Variants in SPATA6L observed in about 807,000 individuals in gnomAD.
SPATA6L encodes spermatogenesis associated 6 like.
SPATA6L carries 68 observed loss-of-function variants against 49.2 expected under a neutral mutation model. The ratio of observed to expected loss-of-function variants is 1.38; its 90% CI spans 1.14 to 1.69. SPATA6L has a LOEUF of 1.69. Among genes scored for constraint, SPATA6L ranks in the 40% most tolerant of loss-of-function variants. The pLI is 0.00. For synonymous variants in SPATA6L, 198 were observed against 165.7 expected (o/e 1.19, Z -1.50); for missense variants, 668 against 464.3 (o/e 1.44, Z -4.03).
intron 9 of SPATA6L, among the ~76,000 whole-genome samples, chr9:4,615,367 A>G (rs935505364): frequency 6.6e-6 from 1 of 152,154 alleles, no homozygotes; most frequent in Non-Finnish European, 1.5e-5. Flanking sequence ...TAGCAGATTG[A>G]GTATCATTCC....
Position 4,618,112 on chromosome 9 carries a change from T to C in SPATA6L, c.808-2A>G. ...CCGTTCATCTGGCTCTTTGATAACC[T>C]GAGTGACAATATGCATTATTTAGTT... is the stretch of plus-strand genomic sequence containing the variant. On this transcript the variant is annotated splice_acceptor_variant, in intron 8 of 11. Transcript: ENST00000682582. LOFTEE classifies it high-confidence loss of function. The C allele has an allele frequency of 1.9e-6, 3 of 1,598,606 alleles. No homozygotes were observed. The highest frequency in any genetic ancestry group is 2.6e-6 in the Non-Finnish European group (3 of 1,170,920).
intron 3 of SPATA6L, 81 bp from the exon 4 acceptor site, chr9:4,635,480 G>C: frequency 7.3e-7 from 1 of 1,374,682 alleles, no homozygotes; most frequent in Non-Finnish European, 9.7e-7. Context: ...GCAGATGATG[G>C]CAGAGATGGC....
At chr9:4,611,660 A>T (rs1420546621) in intron 9 of SPATA6L, among the ~76,000 whole-genome samples, 1 of 57,906 alleles carries the variant, frequency 1.7e-5, no homozygotes, top group Non-Finnish European at 3.2e-5. Context: ...GGGTGGGGGG[A>T]GGGGGGAGGG....
intron 3 of SPATA6L, among the ~76,000 whole-genome samples, chr9:4,639,630 C>G (rs780359079): frequency 2.6e-5 from 4 of 152,152 alleles, no homozygotes; most frequent in Non-Finnish European, 5.9e-5. Context: ...TATTCACAGG[C>G]TGAACAAGTC....
At chr9:4,602,393 A>G (rs1244618048) in intron 11 of SPATA6L, among the ~76,000 whole-genome samples, 1 of 152,164 alleles carries the variant, frequency 6.6e-6, no homozygotes, top group Non-Finnish European at 1.5e-5. Context: ...CTAAGGTAGA[A>G]GCCTCCAGAA....
At chr9:4,626,599 T>G in intron 5 of SPATA6L, 2 of 1,264,836 alleles carry the variant, frequency 1.6e-6, no homozygotes, top group Non-Finnish European at 2.1e-6. Flanking sequence ...GTCATTTCAG[T>G]GTTCCCCTTT....
chr9:4,662,923 T>C lies in SPATA6L; in HGVS notation c.40-887A>G. ...TTGGACCTGCTGCTGGTGGCCTTGATCAAAGGGCTGGTCCGCAGGCGCCGC... is the reference window on the plus strand; with the variant it reads ...TTGGACCTGCTGCTGGTGGCCTTGACCAAAGGGCTGGTCCGCAGGCGCCGC... On this transcript the variant is annotated intron_variant, in intron 1 of 11. Transcript: ENST00000682582. This position sits in a 1 kb window ranked among gnomAD's most constrained non-coding sequence, Gnocchi z 4.9. The C allele has an allele frequency of 6.2e-7, 1 of 1,610,214 alleles. No individual in the cohort carries two copies. The highest frequency in any genetic ancestry group is 1.1e-5 in the South Asian group (1 of 91,052).
At chr9:4,611,113 A>T (rs1421718619) in intron 9 of SPATA6L, among the ~76,000 whole-genome samples, 213 of 148,918 alleles carry the variant, frequency 1.4e-3, no homozygotes, top group African/African-American at 5.3e-3. Context: ...ATCTCACACC[A>T]GTTAGAATGG....
At chr9:4,645,284 T>C (rs959067906) in intron 3 of SPATA6L, among the ~76,000 whole-genome samples, 1 of 152,234 alleles carries the variant, frequency 6.6e-6, no homozygotes, top group Non-Finnish European at 1.5e-5. Flanking sequence ...AACAGCATTA[T>C]TTATAACATC....
At chr9:4,663,096 C>T (rs754135761) in intron 1 of SPATA6L, 4 of 1,613,996 alleles carry the variant, frequency 2.5e-6, no homozygotes, top group Non-Finnish European at 3.4e-6. Flanking sequence ...GCTGGTGGTT[C>T]TGTGGGCCTT....
rs1840082807 is a variant in SPATA6L at position 4,662,544 on chromosome 9, C to T, written c.40-508G>A. 1.9e-6 allele frequency: 3 copies of T among 1,570,534 alleles called. No individual in the cohort carries two copies. The highest frequency in any genetic ancestry group is 1.7e-6 in the Non-Finnish European group (2 of 1,167,730). On this transcript the variant is annotated intron_variant, in intron 1 of 11. Transcript: ENST00000682582. This position sits in a 1 kb window ranked among gnomAD's most constrained non-coding sequence, Gnocchi z 4.9. ...CACGGCCGTGGACCCCACCTGCGCC[C>T]GGCTCCGTGCATCGGAGAGCCCAGT...
rs969502386 is a variant in SPATA6L, at chr9:4,600,303, G to A, written c.*508C>T. 6.6e-6 allele frequency among the ~76,000 whole-genome samples: 1 copy of A among 152,090 alleles called. No individual in the cohort carries two copies. The highest frequency in any genetic ancestry group is 2.4e-5 in the African/African-American group (1 of 41,394). On this transcript the variant is annotated 3_prime_UTR_variant, in exon 12 of 12. Coordinates refer to ENST00000682582, the MANE Select transcript of SPATA6L (RefSeq NM_001353486.2). ...TGCTCTCTTTTCCAAGGTTTTTAGT[G>A]GACTTCACGTAAATCAAGCCTAACA...
intron 3 of SPATA6L, among the ~76,000 whole-genome samples, chr9:4,647,794 G>A (rs1835747437): frequency 6.7e-6 from 1 of 150,290 alleles, no homozygotes; most frequent in Admixed American, 6.6e-5. Flanking sequence ...AATCAATAAA[G>A]ATAATTCTCA....
intron 3 of SPATA6L, among the ~76,000 whole-genome samples, chr9:4,645,089 T>A (rs1835061488): frequency 1.3e-5 from 2 of 152,260 alleles, no homozygotes; most frequent in Non-Finnish European, 2.9e-5. Flanking sequence ...AATTTGAATT[T>A]CATATAATTT....
rs916005603 is a variant in SPATA6L, at chr9:4,611,898, C to T, written c.995+6025G>A. ...AGAGATTATCACCCAGGCTAACGTA[C>T]AACTGCATGATCATAGCTCACTGCA... On this transcript the variant is annotated intron_variant, in intron 9 of 11. Coordinates refer to ENST00000682582, the MANE Select transcript of SPATA6L (RefSeq NM_001353486.2). Among the ~76,000 whole-genome samples the T allele has an allele frequency of 2.6e-5, 4 of 152,242 alleles. No homozygotes were observed. The South Asian group carries it at 8.3e-4, about 32-fold the overall frequency.
At chr9:4,593,888 G>A (rs1822063686), downstream of SPATA6L, among the ~76,000 whole-genome samples, 1 of 152,072 alleles carries the variant, frequency 6.6e-6, no homozygotes, top group Non-Finnish European at 1.5e-5. Flanking sequence ...CACACACAGG[G>A]TCCCCTCAAA....
intron 3 of SPATA6L, among the ~76,000 whole-genome samples, chr9:4,640,667 T>G (rs1028219840): frequency 1.5e-4 from 23 of 152,292 alleles, no homozygotes; most frequent in African/African-American, 4.8e-4. Flanking sequence ...CTAGGAAGAC[T>G]GGCACAGTGT....
Position 4,600,115 on chromosome 9 carries a change from G to A in SPATA6L, c.*696C>T, listed in dbSNP as rs1009165015. On this transcript the variant is annotated 3_prime_UTR_variant, in exon 12 of 12. Transcript: ENST00000682582. ...GTAGTTCTTTTGGAGAAATATTTGA[G>A]GAAGGTTTTGTTCCTCATCTAAATT... Among the ~76,000 whole-genome samples the A allele has an allele frequency of 4.6e-5, 7 of 152,086 alleles. No homozygotes were observed. Among genetic ancestry groups the A allele is most frequent in the Non-Finnish European group, 8.8e-5 (6 of 68,030 alleles).
chr9:4,647,619 T>A (rs1023764780), intron 3 of SPATA6L, among the ~76,000 whole-genome samples: 2 of 151,952 alleles, frequency 1.3e-5, no homozygotes, highest in African/African-American at 4.8e-5. Context: ...AAAAAATATA[T>A]ATATATAAAA....
Sources: allele counts gnomAD v4.1 joint callset (sites outside exome capture counted in the v4.1 genomes callset), GRCh38; gene constraint gnomAD v4.1.1; non-coding constraint Gnocchi (gnomAD v3.1); transcripts MANE v1.5; gene names NCBI Gene and HGNC (gene_info 2026-07-23, HGNC 2026-07-21).